The following TASP1 variants were observed in gnomAD, a reference collection of about 807,000 sequenced individuals.
TASP1 encodes taspase 1.
Under a neutral mutation model 56.6 loss-of-function variants are expected in TASP1, and 16 were observed. That is an observed-to-expected ratio of 0.28 (90% confidence interval 0.19 to 0.43). The LOEUF is 0.43. Among genes scored for constraint, TASP1 ranks in the 20% least tolerant of loss-of-function variants. TASP1 has a pLI of 1.00. For synonymous variants in TASP1, 179 were observed against 184.2 expected, an observed-to-expected ratio of 0.97 and a Z score of 0.23; for missense variants, 393 against 511.6, an observed-to-expected ratio of 0.77 and a Z score of 2.24.
intron 4 of TASP1, among the ~76,000 whole-genome samples, chr20:13,621,743 CA>C (rs2048725311): frequency 6.6e-6 from 1 of 152,048 alleles, no homozygotes; most frequent in African/African-American, 2.4e-5. Flanking sequence ...AAATAGTAAA[CA>C]TGATATATAA....
At chr20:13,172,975 A>C in the TASP1 span, among the ~76,000 whole-genome samples, 6 of 152,280 alleles carry the variant, frequency 3.9e-5, no homozygotes, top group South Asian at 1.2e-3. Context: ...TCTCCTCCAC[A>C]TGGTGTTTCA....
At chr20:13,417,572 TA>T in intron 12 of TASP1, 51 bp from the exon 13 acceptor site, 1 of 1,598,046 alleles carries the variant, frequency 6.3e-7, no homozygotes, top group African/African-American at 1.3e-5. Flanking sequence ...AGATGGAAAA[TA>T]AATCTTTGCT....
the TASP1 span, among the ~76,000 whole-genome samples, chr20:13,379,722 T>C: frequency 6.6e-6 from 1 of 152,298 alleles, no homozygotes; most frequent in South Asian, 2.1e-4. Flanking sequence ...CAATCAAACA[T>C]AGGTTTGGTC....
At chr20:13,460,689 A>T (rs1454006754) in intron 11 of TASP1, among the ~76,000 whole-genome samples, 1 of 151,748 alleles carries the variant, frequency 6.6e-6, no homozygotes, top group Non-Finnish European at 1.5e-5. Context: ...AGTCATCGTG[A>T]CTCTTCTCTT....
chr20:13,564,279 T>G lies in TASP1; in HGVS notation c.569-5165A>C, dbSNP rs1167631427. ...TCAACACTCAAAAATCAGTTGCATT[T>G]CTATAAATTAACAATGAACAATTTA... is the stretch of plus-strand genomic sequence containing the variant. On this transcript the variant is annotated intron_variant, in intron 7 of 13. Transcript: ENST00000337743. Among the ~76,000 whole-genome samples the G allele has an allele frequency of 2.6e-5, 4 of 151,236 alleles. No individual in the cohort carries two copies. In the East Asian group the frequency reaches 7.7e-4, roughly 29 times the overall value.
chr20:13,475,224 T>TA (rs2044678545), intron 11 of TASP1, among the ~76,000 whole-genome samples: 1 of 152,226 alleles, frequency 6.6e-6, no homozygotes, highest in Non-Finnish European at 1.5e-5. Context: ...TTTGCTAAGA[T>TA]ATCTTAATGG....
chr20:13,247,180 G>A, the TASP1 span, among the ~76,000 whole-genome samples: 17 of 152,070 alleles, frequency 1.1e-4, 1 homozygote, highest in African/African-American at 3.1e-4. Context: ...TCAGTGAGCC[G>A]AGATCGCACC....
At chr20:13,544,062 G>A (rs1468938464) in intron 8 of TASP1, among the ~76,000 whole-genome samples, 2 of 152,114 alleles carry the variant, frequency 1.3e-5, no homozygotes, top group East Asian at 3.9e-4. Context: ...CGTAATATGG[G>A]AGTAATCCTT....
chr20:13,376,676 C>T, the TASP1 span, among the ~76,000 whole-genome samples: 3 of 152,092 alleles, frequency 2.0e-5, no homozygotes, highest in Non-Finnish European at 4.4e-5. Flanking sequence ...GGCAGTATGA[C>T]CATTTTCACA....
At chr20:13,590,449 A>G (rs1215488902) in intron 4 of TASP1, among the ~76,000 whole-genome samples, 2 of 152,186 alleles carry the variant, frequency 1.3e-5, no homozygotes, top group African/African-American at 4.8e-5. Flanking sequence ...AAATGACAAC[A>G]ATGACCGAAT....
At chr20:13,280,629 C>T in the TASP1 span, among the ~76,000 whole-genome samples, 8 of 152,292 alleles carry the variant, frequency 5.3e-5, 1 homozygote, top group South Asian at 1.7e-3. Flanking sequence ...CCTGGATATT[C>T]TGTGTCCAGC....
At chr20:13,337,441 C>T in the TASP1 span, among the ~76,000 whole-genome samples, 5 of 152,312 alleles carry the variant, frequency 3.3e-5, no homozygotes, top group East Asian at 7.7e-4. Context: ...ACACCTTCCC[C>T]CTCACTGCCA....
chr20:13,396,633 T>C (rs1357429237), intron 13 of TASP1, among the ~76,000 whole-genome samples: 2 of 152,238 alleles, frequency 1.3e-5, no homozygotes, highest in African/African-American at 4.8e-5. Flanking sequence ...ATTTTCTCAT[T>C]GTCTTAAATT....
At chr20:13,173,153 A>G in the TASP1 span, among the ~76,000 whole-genome samples, 1 of 152,202 alleles carries the variant, frequency 6.6e-6, no homozygotes, top group Non-Finnish European at 1.5e-5. Context: ...CTTTAGACAC[A>G]TTGAGAGTGC....
the TASP1 span, among the ~76,000 whole-genome samples, chr20:13,193,788 G>A: frequency 1.3e-5 from 2 of 152,192 alleles, no homozygotes; most frequent in African/African-American, 2.4e-5. Flanking sequence ...GGCCACCATC[G>A]TTTTGGACCT....
At chr20:13,514,785 T>G (rs945009604) in intron 10 of TASP1, among the ~76,000 whole-genome samples, 1 of 152,184 alleles carries the variant, frequency 6.6e-6, no homozygotes, top group Non-Finnish European at 1.5e-5. Context: ...GTACTTTTCA[T>G]GATATGAACA....
the TASP1 span, among the ~76,000 whole-genome samples, chr20:13,124,735 G>A: frequency 6.6e-6 from 1 of 152,190 alleles, no homozygotes; most frequent in African/African-American, 2.4e-5. Context: ...AAGAGAAACT[G>A]TGAATGTTGA....
At chr20:13,563,068 T>C (rs997209529) in intron 7 of TASP1, among the ~76,000 whole-genome samples, 2 of 148,796 alleles carry the variant, frequency 1.3e-5, no homozygotes, top group African/African-American at 4.9e-5. Flanking sequence ...CACACACACA[T>C]ATATATGTAT....
chr20:13,604,083 GT>G lies in TASP1; in HGVS notation c.283-16714del, dbSNP rs371949867. Among the ~76,000 whole-genome samples the G allele has an allele frequency of 3.7e-3, 568 of 152,172 alleles. 3 individuals are homozygous for G. Among genetic ancestry groups the G allele is most frequent in the East Asian group, 0.012 (61 of 5,180 alleles). Reference sequence around the variant, plus strand: ...TTTTCCATCCACTGACTCCTACCCAGTTTTTTAGCTATAAATTGTCACTTGT... The same window carrying G: ...TTTTCCATCCACTGACTCCTACCCAGTTTTTAGCTATAAATTGTCACTTGT... On this transcript the variant is annotated intron_variant, in intron 4 of 13. Coordinates refer to ENST00000337743, the MANE Select transcript of TASP1 (RefSeq NM_017714.3).
Sources: gnomAD v4.1 joint callset for allele counts (sites outside exome capture counted in the v4.1 genomes callset) on GRCh38, gnomAD v4.1.1 for gene constraint, MANE v1.5 for transcripts, NCBI Gene and HGNC (gene_info 2026-07-23, HGNC 2026-07-21) for gene names.